The following HS6ST3 variants were observed in gnomAD, a reference collection of about 807,000 sequenced individuals.
The protein encoded by HS6ST3 is heparan-sulfate 6-O-sulfotransferase 3.
Under a neutral mutation model 36.7 loss-of-function variants are expected in HS6ST3, and 12 were observed. The observed-to-expected ratio is 0.33, with a 90% CI of 0.21 to 0.53. The LOEUF (loss-of-function observed/expected upper bound fraction) is 0.53. HS6ST3 is among the 20% of genes least tolerant of loss of function. The pLI is 0.95. For synonymous variants in HS6ST3, 240 were observed against 257.5 expected, an observed-to-expected ratio of 0.93 and a Z score of 0.65; for missense variants, 584 against 640.9, an observed-to-expected ratio of 0.91 and a Z score of 0.96.
At chr13:96,423,318 T>G (rs2055570216) in intron 1 of HS6ST3, among the ~76,000 whole-genome samples, 2 of 152,224 alleles carry the variant, frequency 1.3e-5, no homozygotes, top group South Asian at 2.1e-4. Context: ...CTGTTCTGGG[T>G]CTTGGGTCCT....
intron 1 of HS6ST3, among the ~76,000 whole-genome samples, chr13:96,715,301 C>T (rs1341874364): frequency 6.6e-6 from 1 of 152,010 alleles, no homozygotes; most frequent in Non-Finnish European, 1.5e-5. Flanking sequence ...GAACCAATGT[C>T]TAGCTAGTCA....
Position 96,272,222 on chromosome 13 carries a change from C to A in HS6ST3, c.707+180653C>A, listed in dbSNP as rs1008616662. ...TGTATAACTTGCTTGGAATTCAAAA[C>A]ATATTTCTGCATAATAACAATGATA... On this transcript the variant is annotated intron_variant, in intron 1 of 1. Coordinates refer to ENST00000376705, the MANE Select transcript of HS6ST3 (RefSeq NM_153456.4). Among the ~76,000 whole-genome samples, 8 of 152,006 alleles carry A rather than the reference C, an allele frequency of 5.3e-5. 1 individual carries two copies. The highest frequency in any genetic ancestry group is 5.2e-4 in the Admixed American group (8 of 15,252).
At chr13:96,227,640 A>G (rs1185440855) in intron 1 of HS6ST3, among the ~76,000 whole-genome samples, 1 of 152,198 alleles carries the variant, frequency 6.6e-6, no homozygotes, top group Non-Finnish European at 1.5e-5. Context: ...AAAAATGATT[A>G]ATTAGACAAG....
chr13:96,681,513 T>C (rs544562608), intron 1 of HS6ST3, among the ~76,000 whole-genome samples: 1 of 152,324 alleles, frequency 6.6e-6, no homozygotes, highest in South Asian at 2.1e-4. Flanking sequence ...CATTGGACTT[T>C]CTGTCCTAGA....
intron 1 of HS6ST3, among the ~76,000 whole-genome samples, chr13:96,370,671 G>A (rs1333509340): frequency 1.3e-5 from 2 of 152,176 alleles, no homozygotes; most frequent in African/African-American, 4.8e-5. Context: ...CAGCAATTTG[G>A]GAGGCTGAGG....
At chr13:96,517,134 T>G (rs901557356) in intron 1 of HS6ST3, among the ~76,000 whole-genome samples, 3 of 151,990 alleles carry the variant, frequency 2.0e-5, no homozygotes, top group Non-Finnish European at 4.4e-5. Flanking sequence ...ATCCCAGCAC[T>G]TTGGGAAGCC....
intron 1 of HS6ST3, among the ~76,000 whole-genome samples, chr13:96,492,155 A>C (rs1206732568): frequency 6.6e-6 from 1 of 152,174 alleles, no homozygotes; most frequent in Non-Finnish European, 1.5e-5. Flanking sequence ...AGCGTGTCTC[A>C]CAGTTCATAG....
At chr13:96,686,676 G>A (rs917852873) in intron 1 of HS6ST3, among the ~76,000 whole-genome samples, 5 of 152,008 alleles carry the variant, frequency 3.3e-5, no homozygotes, top group African/African-American at 1.2e-4. Context: ...TGACAAAGCA[G>A]TACTCTTAAG....
intron 1 of HS6ST3, among the ~76,000 whole-genome samples, chr13:96,256,943 GTC>G (rs2054640299): frequency 6.6e-6 from 1 of 152,140 alleles, no homozygotes; most frequent in Non-Finnish European, 1.5e-5. Flanking sequence ...GGGATATATG[GTC>G]TCTCTATTTG....
At chr13:96,718,720 C>G (rs374965188) in intron 1 of HS6ST3, among the ~76,000 whole-genome samples, 42 of 152,294 alleles carry the variant, frequency 2.8e-4, no homozygotes, top group South Asian at 1.4e-3. Flanking sequence ...CTACTGGGCA[C>G]AGAAGAGGCC....
At chr13:96,777,702 T>C (rs1470000159) in intron 1 of HS6ST3, among the ~76,000 whole-genome samples, 1 of 152,172 alleles carries the variant, frequency 6.6e-6, no homozygotes, top group African/African-American at 2.4e-5. Flanking sequence ...AAACATTCCA[T>C]GTTCATGGAT....
chr13:96,761,183 C>T (rs979794792), intron 1 of HS6ST3, among the ~76,000 whole-genome samples: 2 of 151,216 alleles, frequency 1.3e-5, no homozygotes, highest in African/African-American at 2.4e-5. Context: ...GACACAATCT[C>T]GGCTCACTGC....
At chr13:96,364,205 C>A (rs1463932527) in intron 1 of HS6ST3, among the ~76,000 whole-genome samples, 1 of 152,028 alleles carries the variant, frequency 6.6e-6, no homozygotes, top group East Asian at 1.9e-4. Flanking sequence ...GTGCAACCAC[C>A]ATGGAAAACA....
chr13:96,210,096 T>G (rs2054391586), intron 1 of HS6ST3, among the ~76,000 whole-genome samples: 1 of 152,152 alleles, frequency 6.6e-6, no homozygotes, highest in Admixed American at 6.5e-5. Context: ...ACTGCCTTGG[T>G]TGAGATATTT....
intron 1 of HS6ST3, among the ~76,000 whole-genome samples, chr13:96,713,055 A>G (rs1436491319): frequency 6.6e-6 from 1 of 152,210 alleles, no homozygotes; most frequent in Non-Finnish European, 1.5e-5. Context: ...TTGGTACCAC[A>G]ACTTTACTAT....
At chr13:96,524,370 A>G (rs1440156405) in intron 1 of HS6ST3, among the ~76,000 whole-genome samples, 1 of 152,210 alleles carries the variant, frequency 6.6e-6, no homozygotes, top group African/African-American at 2.4e-5. Flanking sequence ...ACGCTGCACC[A>G]GGAGAACTAC....
intron 1 of HS6ST3, among the ~76,000 whole-genome samples, chr13:96,513,407 T>G (rs770649267): frequency 6.6e-6 from 1 of 152,176 alleles, no homozygotes; most frequent in Non-Finnish European, 1.5e-5. Context: ...TCTTTTCTTT[T>G]CATGTCTGTA....
At chr13:96,232,638 G>A (rs920949890) in intron 1 of HS6ST3, among the ~76,000 whole-genome samples, 27 of 152,216 alleles carry the variant, frequency 1.8e-4, no homozygotes, top group Admixed American at 6.5e-4. Flanking sequence ...GAGCAGGAGG[G>A]TTTCCAGGGA....
intron 1 of HS6ST3, among the ~76,000 whole-genome samples, chr13:96,228,364 T>C (rs1312446254): frequency 6.6e-6 from 1 of 152,182 alleles, no homozygotes; most frequent in Non-Finnish European, 1.5e-5. Context: ...GTTCAAGTGA[T>C]TCTCCTGCTT....
Sources: gnomAD v4.1 joint callset for allele counts (sites outside exome capture counted in the v4.1 genomes callset) on GRCh38, gnomAD v4.1.1 for gene constraint, MANE v1.5 for transcripts, NCBI Gene and HGNC (gene_info 2026-07-23, HGNC 2026-07-21) for gene names.